The following LHFPL3 variants were observed in gnomAD, a reference collection of about 807,000 sequenced individuals.
LHFPL3 encodes LHFPL tetraspan subfamily member 3.
In LHFPL3, 5 loss-of-function variants were observed where a neutral mutation model predicts 19.3. That is an observed-to-expected ratio of 0.26 (90% CI 0.14 to 0.54). The LOEUF is 0.54. Ranked by LOEUF, LHFPL3 falls within the 20% of genes least tolerant of loss-of-function variation. LHFPL3 has a pLI of 0.94. For synonymous variants in LHFPL3, 133 were observed against 126.2 expected (o/e 1.05, Z -0.36); for missense variants, 249 against 307.4 (o/e 0.81, Z 1.42).
intron 2 of LHFPL3, among the ~76,000 whole-genome samples, chr7:104,748,330 C>T (rs1321549819): frequency 3.3e-5 from 5 of 149,698 alleles, no homozygotes; most frequent in Non-Finnish European, 4.4e-5. Context: ...TCCCCCAGCC[C>T]GACACCCGTA....
intron 1 of LHFPL3, among the ~76,000 whole-genome samples, chr7:104,503,914 A>G (rs1018195194): frequency 1.3e-5 from 2 of 152,184 alleles, no homozygotes; most frequent in African/African-American, 2.4e-5. Flanking sequence ...TAGCATTTAT[A>G]TAAGCCCATC....
rs928395674 is a variant in LHFPL3 at position 104,348,491 on chromosome 7, A to C, written c.445+19267A>C. 1.3e-5 allele frequency among the ~76,000 whole-genome samples: 2 copies of C among 152,278 alleles called. 1 individual carries two copies. Reference sequence around the variant, plus strand: ...TGTGTATATAAATATGGAATGACACATATTCTAAATGGCTTACCTTGACTA... The same window carrying C: ...TGTGTATATAAATATGGAATGACACCTATTCTAAATGGCTTACCTTGACTA... On this transcript the variant is annotated intron_variant, in intron 1 of 2. Transcript: ENST00000424859.
At chr7:104,599,729 A>G (rs982884652) in intron 1 of LHFPL3, among the ~76,000 whole-genome samples, 7 of 152,148 alleles carry the variant, frequency 4.6e-5, no homozygotes, top group African/African-American at 1.7e-4. Flanking sequence ...AACATTACAG[A>G]GGGACCTCAA....
intron 2 of LHFPL3, chr7:104,803,369 G>C (rs1790294323): frequency 6.6e-6 from 1 of 152,218 alleles, no homozygotes; most frequent in South Asian, 2.1e-4. Context: ...TCAATTTATA[G>C]TTCCAAGGCC....
chr7:104,518,553 G>A (rs978481882), intron 1 of LHFPL3, among the ~76,000 whole-genome samples: 1 of 152,156 alleles, frequency 6.6e-6, no homozygotes, highest in Non-Finnish European at 1.5e-5. Flanking sequence ...GGAGGCTGAG[G>A]CAGGCAGGTC....
chr7:104,588,243 G>T (rs1790627413), intron 1 of LHFPL3, among the ~76,000 whole-genome samples: 2 of 152,112 alleles, frequency 1.3e-5, no homozygotes, highest in South Asian at 4.1e-4. Flanking sequence ...GGTTTTTATG[G>T]TTTCAGGTCC....
intron 2 of LHFPL3, among the ~76,000 whole-genome samples, chr7:104,903,557 C>T (rs1249458849): frequency 2.0e-5 from 3 of 151,532 alleles, no homozygotes; most frequent in Admixed American, 6.6e-5. Flanking sequence ...CTCTGCCTCC[C>T]GGGTTCAAGT....
intron 1 of LHFPL3, among the ~76,000 whole-genome samples, chr7:104,659,571 G>A (rs1172610940): frequency 1.3e-5 from 2 of 152,124 alleles, no homozygotes; most frequent in Non-Finnish European, 2.9e-5. Flanking sequence ...AGTGATGGGG[G>A]AATTCTTAGC....
chr7:104,810,011 G>T (rs1298693057), intron 2 of LHFPL3, among the ~76,000 whole-genome samples: 1 of 152,178 alleles, frequency 6.6e-6, no homozygotes, highest in African/African-American at 2.4e-5. Context: ...GTCTAAATGG[G>T]TTATGCAAAG....
intron 1 of LHFPL3, among the ~76,000 whole-genome samples, chr7:104,581,697 C>T (rs149146489): frequency 1.6e-4 from 24 of 151,992 alleles, no homozygotes; most frequent in Non-Finnish European, 3.1e-4. Flanking sequence ...TTACTTTTTC[C>T]ATATAGATAT....
intron 1 of LHFPL3, among the ~76,000 whole-genome samples, chr7:104,671,346 A>G (rs1026648896): frequency 2.1e-4 from 32 of 152,192 alleles, no homozygotes; most frequent in African/African-American, 7.7e-4. Flanking sequence ...AGTTATATCC[A>G]AAACTGTTTT....
At chr7:104,342,257 A>G (rs1382430858) in intron 1 of LHFPL3, among the ~76,000 whole-genome samples, 1 of 151,778 alleles carries the variant, frequency 6.6e-6, no homozygotes, top group Non-Finnish European at 1.5e-5. Context: ...GTCATGAACT[A>G]TGCATTATAG....
chr7:104,642,403 A>G (rs774975526), intron 1 of LHFPL3, among the ~76,000 whole-genome samples: 1 of 152,108 alleles, frequency 6.6e-6, no homozygotes, highest in Non-Finnish European at 1.5e-5. Context: ...ACTGACCAAC[A>G]TAACTTCCAA....
chr7:104,821,191 C>A (rs1038869631), intron 2 of LHFPL3, among the ~76,000 whole-genome samples: 1 of 152,190 alleles, frequency 6.6e-6, no homozygotes, highest in African/African-American at 2.4e-5. Flanking sequence ...CAAAGAAAAT[C>A]TATTTCATGG....
chr7:104,476,602 A>G (rs1188041763), intron 1 of LHFPL3, among the ~76,000 whole-genome samples: 1 of 152,148 alleles, frequency 6.6e-6, no homozygotes, highest in East Asian at 1.9e-4. Flanking sequence ...CTGGGATTAC[A>G]GGCATGTGCC....
intron 2 of LHFPL3, among the ~76,000 whole-genome samples, chr7:104,819,213 T>G (rs531578276): frequency 1.3e-5 from 2 of 152,272 alleles, no homozygotes; most frequent in South Asian, 4.1e-4. Flanking sequence ...TGTGCTTGCA[T>G]TTCTAATAAT....
chr7:104,430,419 CATATATATATATATATATATATAT>C (rs1457442187), intron 1 of LHFPL3, among the ~76,000 whole-genome samples: 3 of 14,662 alleles, frequency 2.0e-4, no homozygotes, highest in Admixed American at 1.2e-3. Context: ...TATATATATA[CATATATATATATATATATATATAT>C]ATATATATAT....
intron 1 of LHFPL3, among the ~76,000 whole-genome samples, chr7:104,406,677 T>C (rs1791422516): frequency 6.6e-6 from 1 of 152,176 alleles, no homozygotes; most frequent in African/African-American, 2.4e-5. Flanking sequence ...AATGTGGATG[T>C]CATTGGTGCT....
At chr7:104,410,179 C>G (rs111671349) in intron 1 of LHFPL3, among the ~76,000 whole-genome samples, 2,582 of 152,242 alleles carry the variant, frequency 0.017, 68 homozygotes, top group African/African-American at 0.059. Context: ...GTTGCCCAGG[C>G]TGGAGTGCAA....
Sources: gnomAD v4.1 joint callset for allele counts (sites outside exome capture counted in the v4.1 genomes callset) on GRCh38, gnomAD v4.1.1 for gene constraint, MANE v1.5 for transcripts, NCBI Gene and HGNC (gene_info 2026-07-23, HGNC 2026-07-21) for gene names.